HMGN4: variants seen among roughly 807,000 people sequenced by gnomAD.
HMGN4 encodes the protein high mobility group nucleosomal binding domain 4, also known as high mobility group nucleosome-binding domain-containing protein 4.
For synonymous variants in HMGN4, 39 were observed against 39.1 expected (o/e 1.00, Z 0.01); for missense variants, 69 against 104.9 (o/e 0.66, Z 1.49).
intron 1 of HMGN4, among the ~76,000 whole-genome samples, chr6:26,539,634 TAAAAA>T (rs61003052): frequency 8.0e-6 from 1 of 125,194 alleles, no homozygotes; most frequent in Non-Finnish European, 1.6e-5. Flanking sequence ...TCCGCAAAAT[TAAAAA>T]AAAAAAAAAA....
At chr6:26,540,324 G>GA (rs955318397) in intron 1 of HMGN4, among the ~76,000 whole-genome samples, 1 of 129,380 alleles carries the variant, frequency 7.7e-6, no homozygotes, top group African/African-American at 3.0e-5. Context: ...TCTTGCCTGT[G>GA]AATCTTTTTT....
chr6:26,538,846 A>C (rs1764252052), intron 1 of HMGN4, among the ~76,000 whole-genome samples: 1 of 152,184 alleles, frequency 6.6e-6, no homozygotes, highest in African/African-American at 2.4e-5. Context: ...CTGTGGCCTT[A>C]AAGAGGTGGT....
At position 26,542,458 on chromosome 6, in the gene HMGN4, T is replaced by C. The variant is rs564557780; in HGVS notation, c.-80-2669T>C. Among the ~76,000 whole-genome samples the C allele has an allele frequency of 4.6e-5, 7 of 152,348 alleles. 1 individual carries two copies. The South Asian group carries it at 1.4e-3, about 32-fold the overall frequency. ...TTTGTCAAGTGCATAACATCTACCATTTTATAATATATGCCATTACAGTAG... is the reference window on the plus strand; with the variant it reads ...TTTGTCAAGTGCATAACATCTACCACTTTATAATATATGCCATTACAGTAG... On this transcript the variant is annotated intron_variant, in intron 1 of 1. Transcript: ENST00000377575. This position sits in a 1 kb window ranked among gnomAD's most constrained non-coding sequence, Gnocchi z 4.6.
At chr6:26,543,211 T>G (rs1181517837) in intron 1 of HMGN4, among the ~76,000 whole-genome samples, 1 of 152,114 alleles carries the variant, frequency 6.6e-6, no homozygotes, top group Non-Finnish European at 1.5e-5. Flanking sequence ...TTAGACCAAG[T>G]GATTTTCACT....
chr6:26,544,602 G>A (rs777368128), intron 1 of HMGN4, among the ~76,000 whole-genome samples: 3 of 152,138 alleles, frequency 2.0e-5, no homozygotes, highest in Non-Finnish European at 4.4e-5. Flanking sequence ...AAGTAAAATT[G>A]CTTTACACAA....
intron 1 of HMGN4, among the ~76,000 whole-genome samples, chr6:26,541,110 A>G (rs905293356): frequency 2.6e-5 from 4 of 152,060 alleles, no homozygotes; most frequent in Non-Finnish European, 4.4e-5. Flanking sequence ...GCAGTGGCGC[A>G]ATCTCGGCTC....
At chr6:26,540,458 C>G (rs1204042911) in intron 1 of HMGN4, among the ~76,000 whole-genome samples, 1 of 152,048 alleles carries the variant, frequency 6.6e-6, no homozygotes, top group Non-Finnish European at 1.5e-5. Flanking sequence ...CCTCAGCTTC[C>G]CAAGTAGTTG....
chr6:26,542,261 TAC>T lies in HMGN4; in HGVS notation c.-80-2864_-80-2863del, dbSNP rs1268893661. 1.3e-5 allele frequency among the ~76,000 whole-genome samples: 2 copies of T among 152,224 alleles called. No individual in the cohort carries two copies. Among genetic ancestry groups the T allele is most frequent in the Non-Finnish European group, 2.9e-5 (2 of 68,040 alleles). Reference sequence around the variant, plus strand: ...GGTTTACAGAAAATTGAGCAGAAGATACAGAGTTCCCACATACTTCCTTTCCC... The same window carrying T: ...GGTTTACAGAAAATTGAGCAGAAGATAGAGTTCCCACATACTTCCTTTCCC... On this transcript the variant is annotated intron_variant, in intron 1 of 1. Transcript: ENST00000377575. The surrounding 1 kb of genome is among the most constrained non-coding windows in gnomAD (Gnocchi z 4.6).
intron 1 of HMGN4, among the ~76,000 whole-genome samples, chr6:26,543,768 CAAAAAAAAAAAAAA>C (rs60635902): frequency 1.0e-4 from 4 of 38,332 alleles, no homozygotes; most frequent in Non-Finnish European, 1.7e-4. Flanking sequence ...GACTCTATCT[CAAAAAAAAAAAAAA>C]AAAAAAAAAA....
chr6:26,541,315 G>A (rs990551366), intron 1 of HMGN4, among the ~76,000 whole-genome samples: 73 of 152,238 alleles, frequency 4.8e-4, no homozygotes, highest in Non-Finnish European at 1.5e-5. Flanking sequence ...ACAGGCGTGA[G>A]CCACCACGCC....
At chr6:26,543,365 G>A (rs1004274913) in intron 1 of HMGN4, among the ~76,000 whole-genome samples, 4 of 146,302 alleles carry the variant, frequency 2.7e-5, no homozygotes, top group African/African-American at 1.0e-4. Context: ...CTTCAGAAGA[G>A]AGCAGGTCAG....
chr6:26,540,813 C>G (rs1158398447), intron 1 of HMGN4, among the ~76,000 whole-genome samples: 1 of 152,078 alleles, frequency 6.6e-6, no homozygotes, highest in Non-Finnish European at 1.5e-5. Flanking sequence ...GAGGCTAAAA[C>G]CCAAGTTAGA....
chr6:26,545,357 A>G lies in HMGN4; in HGVS notation c.151A>G (p.Lys51Glu). ...PKKASAKKGE[K>E]LPKGRKGKAD... Reference sequence around the variant, plus strand: ...AAAGGCCTCTGCAAAGAAGGGAGAGAAGCTTCCCAAAGGGAGAAAGGGGAA... The same window carrying G: ...AAAGGCCTCTGCAAAGAAGGGAGAGGAGCTTCCCAAAGGGAGAAAGGGGAA... Residue 51 changes from lysine (K) to glutamate (E), a missense_variant, in exon 2 of 2, where the codon AAG (lysine) becomes GAG (glutamate). Physicochemically the swap from Lys to Glu is moderately conservative, Grantham distance 56. Transcript: ENST00000377575. 1 of 1,614,118 alleles carries G rather than the reference A, an allele frequency of 6.2e-7. No homozygotes were observed. Among genetic ancestry groups the G allele is most frequent in the South Asian group, 1.1e-5 (1 of 91,076 alleles).
chr6:26,539,685 TGAGC>T (rs1764265597), intron 1 of HMGN4, among the ~76,000 whole-genome samples: 1 of 150,716 alleles, frequency 6.6e-6, no homozygotes, highest in Non-Finnish European at 1.5e-5. Context: ...ACAATGTTAA[TGAGC>T]TGTTTTCTTT....
intron 1 of HMGN4, among the ~76,000 whole-genome samples, chr6:26,543,027 C>T (rs1764305594): frequency 1.3e-5 from 2 of 152,172 alleles, no homozygotes; most frequent in Non-Finnish European, 2.9e-5. Context: ...CAAAATCTCA[C>T]TTTTTGGTTA....
At position 26,546,774 on chromosome 6, in the gene HMGN4, A is replaced by C. The variant is rs1437618696; in HGVS notation, c.*1295A>C. ...ACAATTTATAAATCAAACAAACCCA[A>C]GAGCATTGAAATTTTGATTGGATTT... On this transcript the variant is annotated 3_prime_UTR_variant, in exon 2 of 2. Coordinates refer to ENST00000377575, the MANE Select transcript of HMGN4 (RefSeq NM_006353.3). 1.3e-5 allele frequency among the ~76,000 whole-genome samples: 2 copies of C among 152,228 alleles called. No homozygotes were observed. Among genetic ancestry groups the C allele is most frequent in the Non-Finnish European group, 2.9e-5 (2 of 68,042 alleles).
At position 26,545,452 on chromosome 6, in the gene HMGN4, A is replaced by G. The variant is rs1764338002; in HGVS notation, c.246A>G (p.Lys82=). The change falls in exon 2 of 2, where the codon AAA becomes AAG. Residue 82 remains lysine, a synonymous_variant. Transcript: ENST00000377575. ...NRDASTLQSQ[K]AEGTGDAK Reference sequence around the variant, plus strand: ...ATGCCTCTACACTCCAGTCCCAGAAAGCGGAAGGCACTGGGGATGCCAAGT... The same window carrying G: ...ATGCCTCTACACTCCAGTCCCAGAAGGCGGAAGGCACTGGGGATGCCAAGT... 1.3e-6 allele frequency: 2 copies of G among 1,583,370 alleles called. No homozygotes were observed. The highest frequency in any genetic ancestry group is 2.2e-5 in the East Asian group (1 of 44,634).
At chr6:26,541,055 C>CT (rs946172405) in intron 1 of HMGN4, among the ~76,000 whole-genome samples, 22 of 151,164 alleles carry the variant, frequency 1.5e-4, no homozygotes, top group Non-Finnish European at 2.5e-4. Flanking sequence ...CATTACATTC[C>CT]TTTTTTTTTG....
intron 1 of HMGN4, among the ~76,000 whole-genome samples, chr6:26,539,651 AAAG>A (rs527238612): frequency 0.36 from 47,594 of 134,064 alleles, 8,238 homozygotes; most frequent in East Asian, 0.62. Flanking sequence ...AAAAAAAAAA[AAAG>A]AAAAGAAAAG....
Sources: gnomAD v4.1 joint callset for allele counts (sites outside exome capture counted in the v4.1 genomes callset) on GRCh38, gnomAD v4.1.1 for gene constraint, Gnocchi (gnomAD v3.1) non-coding constraint, MANE v1.5 for transcripts, NCBI Gene and HGNC (gene_info 2026-07-23, HGNC 2026-07-21) for gene names.